Variants in GNB1L observed in about 807,000 individuals in gnomAD.
The protein encoded by GNB1L is G protein subunit beta 1 like.
Under a neutral mutation model 29.1 loss-of-function variants are expected in GNB1L, and 20 were observed. The ratio of observed to expected loss-of-function variants is 0.69; its 90% CI spans 0.48 to 1.00. The LOEUF is 1.00. GNB1L is among the 50% of genes least tolerant of loss of function. The pLI is 0.00. For missense variants in GNB1L, 421 were observed against 464.9 expected (o/e 0.91, Z 0.87); for synonymous variants, 193 against 206.5 (o/e 0.93, Z 0.56).
chr22:19,838,362 AG>A (rs994133391), intron 2 of GNB1L, among the ~76,000 whole-genome samples: 10 of 152,206 alleles, frequency 6.6e-5, no homozygotes, highest in Non-Finnish European at 1.3e-4. Context: ...AACAAAACCA[AG>A]TGCTGGCAAT....
chr22:19,825,003 C>T (rs1426728210), intron 2 of GNB1L, among the ~76,000 whole-genome samples: 3 of 152,232 alleles, frequency 2.0e-5, no homozygotes, highest in African/African-American at 7.2e-5. Flanking sequence ...GCAAAGAGTA[C>T]CACGAAGTGA....
At chr22:19,803,972 C>G (rs1367164394) in intron 6 of GNB1L, among the ~76,000 whole-genome samples, 2 of 152,284 alleles carry the variant, frequency 1.3e-5, no homozygotes, top group Non-Finnish European at 2.9e-5. Context: ...TGTGAAGCCA[C>G]TGCCTCTGAA....
chr22:19,849,162 C>T (rs955357444), intron 2 of GNB1L: 1 of 985,278 alleles, frequency 1.0e-6, no homozygotes. Flanking sequence ...TCTGCCAGCT[C>T]ACTTGCTTTG....
chr22:19,852,095 A>G (rs753510250), intron 2 of GNB1L: 1 of 1,614,156 alleles, frequency 6.2e-7, no homozygotes, highest in Non-Finnish European at 8.5e-7. Context: ...TCGCACACAC[A>G]CGGTGTCCCC....
At chr22:19,824,266 T>G (rs530780624) in intron 2 of GNB1L, among the ~76,000 whole-genome samples, 1 of 152,384 alleles carries the variant, frequency 6.6e-6, no homozygotes, top group South Asian at 2.1e-4. Flanking sequence ...GACATCTAAT[T>G]ATTCTTTATT....
chr22:19,837,953 G>C (rs1160149859), intron 2 of GNB1L, among the ~76,000 whole-genome samples: 1 of 152,220 alleles, frequency 6.6e-6, no homozygotes, highest in East Asian at 1.9e-4. Flanking sequence ...AGGGAACCTG[G>C]AGAAGAGAGG....
rs1377852128 is a variant in GNB1L, at chr22:19,802,239, C to A, written c.517-23G>T. On this transcript the variant is annotated intron_variant, in intron 6 of 7. Transcript: ENST00000329517. ...GGCCTGCGGGGAACAGCAGAGCAGT[C>A]AGCTCCTGGAAGGACCCTGACTCCA... 4 of 1,601,100 alleles carry A rather than the reference C, an allele frequency of 2.5e-6. No homozygotes were observed. The African/African-American group carries it at 5.3e-5, about 21-fold the overall frequency.
At chr22:19,812,799 T>C (rs2073765) in intron 4 of GNB1L, among the ~76,000 whole-genome samples, 42,882 of 152,046 alleles carry the variant, frequency 0.28, 6,576 homozygotes, top group African/African-American at 0.41. Flanking sequence ...GGTGCCAGGA[T>C]CCCAGGAAGG....
rs560012937 is a variant in GNB1L at position 19,798,077 on chromosome 22, C to T, written c.732+3924G>A. Among the ~76,000 whole-genome samples, 4 of 152,284 alleles carry T rather than the reference C, an allele frequency of 2.6e-5. No individual in the cohort carries two copies. In the South Asian group the frequency reaches 6.2e-4, roughly 24 times the overall value. Reference sequence around the variant, plus strand: ...CAGTGTCCAGAGCACCCGGCCTTGGCGCTGCCTCCCCTCCCTCCACACCAG... The same window carrying T: ...CAGTGTCCAGAGCACCCGGCCTTGGTGCTGCCTCCCCTCCCTCCACACCAG... On this transcript the variant is annotated intron_variant, in intron 7 of 7. Transcript: ENST00000329517.
At chr22:19,814,015 T>C (rs971807554) in intron 4 of GNB1L, among the ~76,000 whole-genome samples, 17 of 152,134 alleles carry the variant, frequency 1.1e-4, no homozygotes, top group Non-Finnish European at 2.2e-4. Context: ...GGATCGGGGA[T>C]GTCAGAAGGA....
In GNB1L at chr22:19,820,969, A is replaced by AG. The variant is rs373457265; in HGVS notation, c.129-247dup. Among the ~76,000 whole-genome samples the AG allele has an allele frequency of 2.8e-3, 430 of 152,296 alleles. 2 individuals carry two copies. Among genetic ancestry groups the AG allele is most frequent in the African/African-American group, 8.6e-3 (358 of 41,550 alleles). ...CAGGCAGATCTGCTTCTCTGGAGGTAGGGGGAGCCATGCCACAGTAATGCA... is the reference window on the plus strand; with the variant it reads ...CAGGCAGATCTGCTTCTCTGGAGGTAGGGGGGAGCCATGCCACAGTAATGCA... On this transcript the variant is annotated intron_variant, in intron 3 of 7. Coordinates refer to ENST00000329517, the MANE Select transcript of GNB1L (RefSeq NM_053004.3).
At chr22:19,821,492 G>T in intron 2 of GNB1L, 117 bp from the exon 3 acceptor site, 2 of 1,029,184 alleles carry the variant, frequency 1.9e-6, no homozygotes, top group Non-Finnish European at 2.8e-6. Context: ...CTGGCCCTGT[G>T]CCCCTCCTGG....
In GNB1L at chr22:19,786,021, C is replaced by T; in HGVS notation, c.*2688G>A. The T allele has an allele frequency of 6.6e-6, 1 of 152,436 alleles. No individual in the cohort carries two copies. The highest frequency in any genetic ancestry group is 1.9e-4 in the East Asian group (1 of 5,186). The allele number at this position is 152,436 out of a possible 1,614,324, so 9.4% of individuals were successfully genotyped here. On this transcript the variant is annotated 3_prime_UTR_variant, in exon 8 of 8. Coordinates refer to ENST00000329517, the MANE Select transcript of GNB1L (RefSeq NM_053004.3). ...CACTGCTCTTGGCCGGCTTGGACCC[C>T]AGCACCGGTTCTGCTGCTCTCCCAG...
chr22:19,804,535 T>G (rs1340509891), intron 6 of GNB1L, among the ~76,000 whole-genome samples: 2 of 151,618 alleles, frequency 1.3e-5, no homozygotes, highest in African/African-American at 4.8e-5. Context: ...AAAATAAGAA[T>G]ATACTAAAAA....
chr22:19,812,189 G>T, intron 5 of GNB1L, 96 bp downstream of exon 5: 1 of 1,306,432 alleles, frequency 7.7e-7, no homozygotes, highest in Non-Finnish European at 1.0e-6. Context: ...CGGCTCCATG[G>T]AGTCCTGTGG....
At chr22:19,826,053 G>A (rs1023823360) in intron 2 of GNB1L, among the ~76,000 whole-genome samples, 1 of 152,248 alleles carries the variant, frequency 6.6e-6, no homozygotes, top group Non-Finnish European at 1.5e-5. Flanking sequence ...AAGTAAAAGT[G>A]CAGCCTCGGG....
At chr22:19,833,683 G>C (rs886645707) in intron 2 of GNB1L, among the ~76,000 whole-genome samples, 1 of 151,984 alleles carries the variant, frequency 6.6e-6, no homozygotes, top group African/African-American at 2.4e-5. Flanking sequence ...GGCCAACATG[G>C]TGAAACCCTG....
At position 19,788,976 on chromosome 22, in the gene GNB1L, G is replaced by A; in HGVS notation, c.733-16C>T. On this transcript the variant is annotated splice_polypyrimidine_tract_variant and intron_variant, in intron 7 of 7. Coordinates refer to ENST00000329517, the MANE Select transcript of GNB1L (RefSeq NM_053004.3). ...TCCCACGCACCTGTGAGAGTTGGGA[G>A]AGGTGTTAGGCCACTCCTTAAGCCC... 6.3e-7 allele frequency: 1 copy of A among 1,587,820 alleles called. No individual in the cohort carries two copies. Among genetic ancestry groups the A allele is most frequent in the South Asian group, 1.1e-5 (1 of 87,270 alleles).
In GNB1L at chr22:19,787,162, G is replaced by A. The variant is rs112177850; in HGVS notation, c.*1547C>T. ...CCTCACAGTGGGGTTGGGGAGGCAC[G>A]GCCTTGGGACCCCCTGCAGTGGGTG... On this transcript the variant is annotated 3_prime_UTR_variant, in exon 8 of 8. Coordinates refer to ENST00000329517, the MANE Select transcript of GNB1L (RefSeq NM_053004.3). 325 of 152,482 alleles carry A rather than the reference G, an allele frequency of 2.1e-3. 2 individuals carry two copies. Among genetic ancestry groups the A allele is most frequent in the African/African-American group, 7.4e-3 (307 of 41,566 alleles). 9.4% of individuals were successfully genotyped at this position (152,482 alleles called of 1,614,324 possible).
Sources: allele counts gnomAD v4.1 joint callset (sites outside exome capture counted in the v4.1 genomes callset), GRCh38; gene constraint gnomAD v4.1.1; transcripts MANE v1.5; gene names NCBI Gene and HGNC (gene_info 2026-07-23, HGNC 2026-07-21).